DIAPH3: variants seen among roughly 807,000 people sequenced by gnomAD.
DIAPH3 encodes protein diaphanous homolog 3.
In DIAPH3, 117 loss-of-function variants were observed where a neutral mutation model predicts 144.3. That is an observed-to-expected ratio of 0.81 (90% CI 0.70 to 0.95). DIAPH3 has a LOEUF of 0.95. DIAPH3 is among the 40% of genes least tolerant of loss of function. The pLI is 0.00. For synonymous variants in DIAPH3, 519 were observed against 488.9 expected (o/e 1.06, Z -0.81); for missense variants, 1,421 against 1,412.7 (o/e 1.01, Z -0.09).
At chr13:59,761,179 T>A (rs181959763) in intron 27 of DIAPH3, among the ~76,000 whole-genome samples, 34 of 152,226 alleles carry the variant, frequency 2.2e-4, no homozygotes, top group Non-Finnish European at 1.0e-4. Flanking sequence ...CTAGACGAAA[T>A]AACAAACTGT....
intron 20 of DIAPH3, among the ~76,000 whole-genome samples, chr13:59,891,432 C>A (rs369477655): frequency 3.3e-5 from 5 of 149,642 alleles, no homozygotes; most frequent in Non-Finnish European, 5.9e-5. Flanking sequence ...ACCAAAAAAA[C>A]CCCAAAAATT....
At chr13:60,036,362 A>T (rs1566691412) in intron 5 of DIAPH3, among the ~76,000 whole-genome samples, 1 of 152,092 alleles carries the variant, frequency 6.6e-6, no homozygotes, top group East Asian at 1.9e-4. Flanking sequence ...ATATATATAT[A>T]TTGTCCAAAA....
intron 3 of DIAPH3, among the ~76,000 whole-genome samples, chr13:60,104,054 G>A (rs2058343519): frequency 6.6e-6 from 1 of 152,070 alleles, no homozygotes; most frequent in South Asian, 2.1e-4. Flanking sequence ...ATCTAGTTCT[G>A]CAATTTAATA....
intron 4 of DIAPH3, among the ~76,000 whole-genome samples, chr13:60,088,017 G>A (rs1257364539): frequency 6.6e-6 from 1 of 152,114 alleles, no homozygotes; most frequent in African/African-American, 2.4e-5. Flanking sequence ...AAAGTTCAAA[G>A]AGAAATGTTT....
intron 22 of DIAPH3, among the ~76,000 whole-genome samples, chr13:59,850,585 T>C (rs1050338206): frequency 2.7e-5 from 4 of 150,570 alleles, no homozygotes; most frequent in African/African-American, 7.3e-5. Context: ...AATCATGTGG[T>C]TTTTGTCTTT....
At chr13:60,034,846 G>C (rs543430573) in intron 5 of DIAPH3, 1 of 152,206 alleles carries the variant, frequency 6.6e-6, no homozygotes, top group East Asian at 1.9e-4. Flanking sequence ...TTTTTTAATA[G>C]AGTAGTTGAA....
Position 59,666,357 on chromosome 13 carries a change from C to CAAAA in DIAPH3, c.*223_*226dup, listed in dbSNP as rs11421911. 3 of 302,162 alleles carry CAAAA rather than the reference C, an allele frequency of 9.9e-6. No individual in the cohort carries two copies. The highest frequency in any genetic ancestry group is 9.5e-5 in the South Asian group (2 of 21,060). 18.7% of individuals were successfully genotyped at this position (302,162 alleles called of 1,614,324 possible). ...TAAAGAACTGAGGAATACCAGGAGA[C>CAAAA]AAAAAAAAAAAAAAAAGGATTAAAG... On this transcript the variant is annotated 3_prime_UTR_variant, in exon 28 of 28. Coordinates refer to ENST00000400324, the MANE Select transcript of DIAPH3 (RefSeq NM_001042517.2).
Position 59,916,208 on chromosome 13 carries a change from T to A in DIAPH3, c.2212A>T (p.Arg738Ter). 1 of 1,613,362 alleles carries A rather than the reference T, an allele frequency of 6.2e-7. No homozygotes were observed. Among genetic ancestry groups the A allele is most frequent in the South Asian group, 1.1e-5 (1 of 91,062 alleles). ...SSFRVPYEEIRMMILEVDETR... is the reference protein window; with the variant it reads ...SSFRVPYEEI ...TCATCTACTTCCAATATCATCATTC[T>A]GATTTCCTCATATGGCACCCGAAAA... Residue 738 changes from arginine (R) to a stop codon, truncating the protein, a stop_gained, in exon 19 of 28, where the codon AGA becomes TGA. Coordinates refer to ENST00000400324, the MANE Select transcript of DIAPH3 (RefSeq NM_001042517.2). LOFTEE classifies it high-confidence loss of function.
chr13:59,944,976 T>C (rs372516802), intron 17 of DIAPH3, among the ~76,000 whole-genome samples: 3 of 152,218 alleles, frequency 2.0e-5, no homozygotes, highest in African/African-American at 7.2e-5. Context: ...AACATCTACA[T>C]AACTATGCCC....
At chr13:59,705,053 T>G (rs2138781857) in intron 27 of DIAPH3, among the ~76,000 whole-genome samples, 1 of 152,340 alleles carries the variant, frequency 6.6e-6, no homozygotes. Flanking sequence ...TGATTTGTCC[T>G]TCCAGTCTGA....
chr13:59,953,782 T>C (rs1407002430), intron 17 of DIAPH3, among the ~76,000 whole-genome samples: 2 of 152,208 alleles, frequency 1.3e-5, no homozygotes, highest in African/African-American at 4.8e-5. Context: ...AATCTTTTCG[T>C]ATGTGTGCAT....
intron 12 of DIAPH3, among the ~76,000 whole-genome samples, chr13:59,984,389 AT>A (rs1487357466): frequency 6.6e-6 from 1 of 151,756 alleles, no homozygotes; most frequent in Admixed American, 6.6e-5. Context: ...TCAAATTCAT[AT>A]TTCTTACTCA....
chr13:59,991,708 A>G (rs1462390166), intron 11 of DIAPH3, among the ~76,000 whole-genome samples: 5 of 151,990 alleles, frequency 3.3e-5, no homozygotes, highest in Non-Finnish European at 5.9e-5. Context: ...CATGCGACCC[A>G]TGAGTATGCA....
intron 3 of DIAPH3, among the ~76,000 whole-genome samples, chr13:60,106,832 A>G (rs1320931870): frequency 1.3e-5 from 2 of 152,168 alleles, no homozygotes; most frequent in Non-Finnish European, 2.9e-5. Context: ...TATGCTGTTT[A>G]CATTTGTTTA....
chr13:60,011,126 A>G (rs1291158542), intron 7 of DIAPH3, among the ~76,000 whole-genome samples: 1 of 152,166 alleles, frequency 6.6e-6, no homozygotes, highest in Non-Finnish European at 1.5e-5. Context: ...TAAAATAAAA[A>G]GTTCATAAGG....
At chr13:59,995,052 C>T (rs2052104500) in intron 9 of DIAPH3, among the ~76,000 whole-genome samples, 1 of 151,720 alleles carries the variant, frequency 6.6e-6, no homozygotes, top group South Asian at 2.1e-4. Context: ...CAAGAGGCCT[C>T]CCACTTTTGT....
chr13:59,900,864 T>A (rs779062148), intron 20 of DIAPH3, among the ~76,000 whole-genome samples: 7 of 152,184 alleles, frequency 4.6e-5, no homozygotes, highest in Non-Finnish European at 8.8e-5. Context: ...TCTTGCAGAC[T>A]TTCCCTCATC....
intron 27 of DIAPH3, among the ~76,000 whole-genome samples, chr13:59,766,144 T>C (rs1224979069): frequency 1.3e-5 from 2 of 152,230 alleles, no homozygotes; most frequent in Admixed American, 6.5e-5. Context: ...CCAGTCTGCC[T>C]ACTGCCTGAG....
intron 25 of DIAPH3, among the ~76,000 whole-genome samples, chr13:59,792,174 C>T (rs1487420385): frequency 6.6e-6 from 1 of 152,138 alleles, no homozygotes; most frequent in Non-Finnish European, 1.5e-5. Flanking sequence ...TGCTTGTTCC[C>T]CTCCTATCTC....
Sources: gnomAD v4.1 joint callset for allele counts (sites outside exome capture counted in the v4.1 genomes callset) on GRCh38, gnomAD v4.1.1 for gene constraint, MANE v1.5 for transcripts, NCBI Gene and HGNC (gene_info 2026-07-23, HGNC 2026-07-21) for gene names.